Variants in DGCR2 observed in about 807,000 individuals in gnomAD.
The protein encoded by DGCR2 is DiGeorge syndrome critical region gene 2.
A neutral mutation model predicts 51.6 loss-of-function variants in DGCR2; 24 were observed. The ratio of observed to expected loss-of-function variants is 0.47; its 90% CI spans 0.34 to 0.65. The LOEUF is 0.65. Ranked by LOEUF, DGCR2 falls within the 30% of genes least tolerant of loss-of-function variation. The pLI is 0.01. For synonymous variants in DGCR2, 340 were observed against 315.4 expected (o/e 1.08, Z -0.82); for missense variants, 765 against 772.1 (o/e 0.99, Z 0.11).
At chr22:19,079,432 T>C (rs1451158487) in intron 2 of DGCR2, among the ~76,000 whole-genome samples, 2 of 152,196 alleles carry the variant, frequency 1.3e-5, no homozygotes, top group African/African-American at 4.8e-5. Flanking sequence ...CTGACTGTTT[T>C]CCAGAGCTTC....
chr22:19,041,313 G>T lies in DGCR2; in HGVS notation c.1160-19C>A. ...TGGTGCACTGGGCCATCAAAAGTGT[G>T]CAACGGGAACAGAGACAAGTCACTG... On this transcript the variant is annotated intron_variant, in intron 8 of 9. Coordinates refer to ENST00000263196, the MANE Select transcript of DGCR2 (RefSeq NM_005137.3). 1.9e-6 allele frequency: 3 copies of T among 1,610,864 alleles called. No homozygotes were observed. The highest frequency in any genetic ancestry group is 2.5e-6 in the Non-Finnish European group (3 of 1,177,906).
intron 2 of DGCR2, among the ~76,000 whole-genome samples, chr22:19,086,236 G>A (rs1157465633): frequency 2.0e-5 from 3 of 152,034 alleles, no homozygotes; most frequent in African/African-American, 7.2e-5. Context: ...CCAGCACTTT[G>A]GGAGGCCGAG....
At position 19,041,205 on chromosome 22, in the gene DGCR2, C is replaced by CA; in HGVS notation, c.1248dup (p.Asp417Ter). On this transcript the variant is annotated frameshift_variant, in exon 9 of 10. Transcript: ENST00000263196. LOFTEE classifies it high-confidence loss of function. ...TGGAAAGTCCCACCCTCTCCGTCGT[C>CA]AGAAAGATGCAGCGGCGTGAGGCCC... 1 of 1,614,006 alleles carries CA rather than the reference C, an allele frequency of 6.2e-7. No homozygotes were observed. The highest frequency in any genetic ancestry group is 8.5e-7 in the Non-Finnish European group (1 of 1,179,968).
At chr22:19,041,669 G>A in intron 8 of DGCR2, 138 bp downstream of exon 8, 1 of 1,026,978 alleles carries the variant, frequency 9.7e-7, no homozygotes, top group Non-Finnish European at 1.4e-6. Flanking sequence ...GCCCACAGGT[G>A]AGGACACAGA....
chr22:19,065,280 T>C, intron 3 of DGCR2: 1 of 574,528 alleles, frequency 1.7e-6, no homozygotes, highest in South Asian at 2.1e-5. Flanking sequence ...GTACATTCGG[T>C]GACTCTTCCC....
chr22:19,101,604 G>C (rs2083202585), intron 1 of DGCR2, among the ~76,000 whole-genome samples: 1 of 152,144 alleles, frequency 6.6e-6, no homozygotes, highest in Admixed American at 6.6e-5. Flanking sequence ...AGCTGGGCGT[G>C]GTGGCGCACA....
In DGCR2 at chr22:19,063,689, G is replaced by A. The variant is rs1601216806; in HGVS notation, c.549-411C>T. Among the ~76,000 whole-genome samples the A allele has an allele frequency of 2.0e-5, 3 of 151,972 alleles. No homozygotes were observed. The East Asian group carries it at 5.8e-4, about 29-fold the overall frequency. On this transcript the variant is annotated intron_variant, in intron 4 of 9. Coordinates refer to ENST00000263196, the MANE Select transcript of DGCR2 (RefSeq NM_005137.3). Reference sequence around the variant, plus strand: ...TAACATGAGACACTCATGTTAGAATGCATTAAAATTCAAAACAAGAAAGTT... The same window carrying A: ...TAACATGAGACACTCATGTTAGAATACATTAAAATTCAAAACAAGAAAGTT...
At chr22:19,098,091 A>G (rs943910874) in intron 1 of DGCR2, among the ~76,000 whole-genome samples, 2 of 152,106 alleles carry the variant, frequency 1.3e-5, no homozygotes, top group Admixed American at 1.3e-4. Flanking sequence ...TTTAAAAAAA[A>G]AATAGTTATC....
intron 1 of DGCR2, among the ~76,000 whole-genome samples, chr22:19,090,994 T>C (rs1437533473): frequency 1.4e-5 from 2 of 145,390 alleles, no homozygotes; most frequent in East Asian, 4.0e-4. Flanking sequence ...ACTCACTTTA[T>C]ATAGGCATAA....
intron 5 of DGCR2, among the ~76,000 whole-genome samples, chr22:19,058,630 T>C (rs770116236): frequency 1.3e-5 from 2 of 152,166 alleles, no homozygotes; most frequent in South Asian, 2.1e-4. Flanking sequence ...TTCCTTCCAA[T>C]CTTTAACAAA....
chr22:19,091,705 A>G (rs546730583), intron 1 of DGCR2, among the ~76,000 whole-genome samples: 27 of 151,904 alleles, frequency 1.8e-4, no homozygotes, highest in Admixed American at 8.5e-4. Context: ...TGAGGTCAGG[A>G]GTTCGAGACC....
intron 6 of DGCR2, chr22:19,056,314 C>CAAA: frequency 1.6e-5 from 3 of 187,132 alleles, no homozygotes; most frequent in South Asian, 1.1e-4. Context: ...GACTCTGTCC[C>CAAA]AAAAAAAAAA....
chr22:19,042,011 C>A, intron 7 of DGCR2, 52 bp from the exon 8 acceptor site: 1 of 1,576,218 alleles, frequency 6.3e-7, no homozygotes, highest in Non-Finnish European at 8.6e-7. Flanking sequence ...CACCCTCGTG[C>A]TACGCTGGGG....
chr22:19,118,646 G>C (rs1046922907), intron 1 of DGCR2, among the ~76,000 whole-genome samples: 2 of 152,166 alleles, frequency 1.3e-5, no homozygotes, highest in African/African-American at 4.8e-5. Context: ...ACCTTACCAA[G>C]GGGCCTAGCT....
intron 6 of DGCR2, chr22:19,055,925 C>G: frequency 6.4e-6 from 1 of 156,316 alleles, no homozygotes. Context: ...CGAGCTGATT[C>G]ACTGCAGGAC....
At chr22:19,053,633 A>G (rs1327391503) in intron 6 of DGCR2, among the ~76,000 whole-genome samples, 1 of 152,204 alleles carries the variant, frequency 6.6e-6, no homozygotes, top group Non-Finnish European at 1.5e-5. Context: ...CTCAGTCTCT[A>G]TTGTCCCACA....
At chr22:19,052,826 C>T (rs1042674879) in intron 6 of DGCR2, among the ~76,000 whole-genome samples, 1 of 152,072 alleles carries the variant, frequency 6.6e-6, no homozygotes, top group South Asian at 2.1e-4. Flanking sequence ...ATTTGGATGA[C>T]TCTCCAGGGA....
At chr22:19,104,851 A>G (rs936346980) in intron 1 of DGCR2, among the ~76,000 whole-genome samples, 1 of 152,240 alleles carries the variant, frequency 6.6e-6, no homozygotes, top group Non-Finnish European at 1.5e-5. Context: ...AGTTGCTACT[A>G]GGAAAGGGAG....
intron 1 of DGCR2, chr22:19,121,834 G>C (rs1569096553): frequency 4.5e-6 from 1 of 223,554 alleles, no homozygotes; most frequent in East Asian, 1.0e-4. Context: ...CTCCGACGCT[G>C]GACTGGCGAG....
Sources: gnomAD v4.1 joint callset for allele counts (sites outside exome capture counted in the v4.1 genomes callset) on GRCh38, gnomAD v4.1.1 for gene constraint, MANE v1.5 for transcripts, NCBI Gene and HGNC (gene_info 2026-07-23, HGNC 2026-07-21) for gene names.